Variants in OR2L3 observed in about 807,000 individuals in gnomAD.
OR2L3 encodes the protein olfactory receptor 2L3.
For synonymous variants in OR2L3, 131 were observed against 139.1 expected, an observed-to-expected ratio of 0.94 and a Z score of 0.41; for missense variants, 369 against 376.6, an observed-to-expected ratio of 0.98 and a Z score of 0.17.
At chr1:248,055,585 A>G (rs984484703) in intron 1 of OR2L3, among the ~76,000 whole-genome samples, 2 of 152,094 alleles carry the variant, frequency 1.3e-5, no homozygotes, top group Non-Finnish European at 2.9e-5. Context: ...GTGAAACCCT[A>G]TCTCTACTAA....
chr1:248,055,877 T>C (rs892218842), intron 1 of OR2L3: 1 of 151,954 alleles, frequency 6.6e-6, no homozygotes, highest in African/African-American at 2.4e-5. Context: ...CTGGTAGAAT[T>C]CAGCTGTAAT....
intron 1 of OR2L3, chr1:248,051,183 T>A (rs944457360): frequency 6.6e-6 from 1 of 152,202 alleles, no homozygotes; most frequent in African/African-American, 2.4e-5. Context: ...TCCCCTATCC[T>A]CCAGGGTCCA....
chr1:248,056,214 T>A (rs1396148225), intron 1 of OR2L3, among the ~76,000 whole-genome samples: 1 of 152,052 alleles, frequency 6.6e-6, no homozygotes, highest in South Asian at 2.1e-4. Context: ...GGTACATGTG[T>A]ACAACGTGCA....
intron 1 of OR2L3, among the ~76,000 whole-genome samples, chr1:248,049,353 A>G (rs891107202): frequency 7.2e-5 from 11 of 152,344 alleles, no homozygotes; most frequent in African/African-American, 2.4e-4. Context: ...TTTTGACTTC[A>G]AAAGTTAGTA....
intron 1 of OR2L3, among the ~76,000 whole-genome samples, chr1:248,059,858 A>G (rs1030435008): frequency 6.6e-6 from 1 of 152,150 alleles, no homozygotes; most frequent in African/African-American, 2.4e-5. Flanking sequence ...GCCTGGCAAC[A>G]TAGCAAGACT....
chr1:248,047,390 T>C (rs1463936218), intron 1 of OR2L3, among the ~76,000 whole-genome samples: 1 of 152,158 alleles, frequency 6.6e-6, no homozygotes, highest in Admixed American at 6.5e-5. Context: ...ATTAGTGTTG[T>C]TTTTGCATAA....
chr1:248,054,165 T>C (rs982807640), intron 1 of OR2L3, among the ~76,000 whole-genome samples: 1 of 152,236 alleles, frequency 6.6e-6, no homozygotes. Flanking sequence ...CAGTTTCTAT[T>C]TTCTGCATAT....
intron 1 of OR2L3, chr1:248,051,130 T>TATATGTGTTTTTGTTA (rs1663249472): frequency 6.6e-6 from 1 of 152,216 alleles, no homozygotes; most frequent in Admixed American, 6.5e-5. Context: ...TGTCTCCAAC[T>TATATGTGTTTTTGTTA]AACACTTTGT....
In OR2L3 at chr1:248,061,544, T is replaced by C. The variant is rs554340544; in HGVS notation, c.863T>C (p.Ile288Thr). 6.2e-7 allele frequency: 1 copy of C among 1,613,880 alleles called. No homozygotes were observed. Among genetic ancestry groups the C allele is most frequent in the Admixed American group, 1.7e-5 (1 of 59,988 alleles). Residue 288 changes from isoleucine to threonine, a missense_variant, in exon 2 of 2, where the codon ATC becomes ACC. Transcript: ENST00000359959. ...CTCACTCCAATGCTCAACCCCATCA[T>C]CTATAGCCTGAGGAACAAGGAGGTG... ...TTLTPMLNPI[I>T]YSLRNKEVMG...
rs543053273 is a variant in OR2L3, at chr1:248,063,083, T to C, written c.*1463T>C. On this transcript the variant is annotated 3_prime_UTR_variant, in exon 2 of 2. Coordinates refer to ENST00000359959, the MANE Select transcript of OR2L3 (RefSeq NM_001004687.2). ...ACAGTGCTTTGACTATTTGGGTTCT[T>C]TAATAGTTCCATACAAATCTTAAAT... 6.6e-6 allele frequency: 1 copy of C among 152,372 alleles called. No homozygotes were observed. Among genetic ancestry groups the C allele is most frequent in the African/African-American group, 2.4e-5 (1 of 41,590 alleles). The allele number at this position is 152,372 out of a possible 1,614,324, so 9.4% of individuals were successfully genotyped here.
At chr1:248,048,145 C>T (rs755323357) in intron 1 of OR2L3, among the ~76,000 whole-genome samples, 2 of 152,118 alleles carry the variant, frequency 1.3e-5, no homozygotes, top group Non-Finnish European at 2.9e-5. Context: ...TCTGTCTGCC[C>T]ACTTACCTGT....
intron 1 of OR2L3, among the ~76,000 whole-genome samples, chr1:248,055,396 G>A (rs1663401509): frequency 6.6e-6 from 1 of 152,018 alleles, no homozygotes; most frequent in Non-Finnish European, 1.5e-5. Context: ...TTGGCACAAA[G>A]TTTTCTTTTT....
chr1:248,048,258 C>A (rs766292319), intron 1 of OR2L3, among the ~76,000 whole-genome samples: 82 of 152,314 alleles, frequency 5.4e-4, no homozygotes, highest in Non-Finnish European at 6.5e-4. Flanking sequence ...ACTTTATATT[C>A]TTTACTCCTT....
At position 248,060,976 on chromosome 1, in the gene OR2L3, CAG is replaced by C. The variant is rs1663609528; in HGVS notation, c.298_299del (p.Ser100PhefsTer20). 22 of 1,613,908 alleles carry C rather than the reference CAG, an allele frequency of 1.4e-5. No individual in the cohort carries two copies. The highest frequency in any genetic ancestry group is 1.8e-5 in the Non-Finnish European group (21 of 1,179,950). On this transcript the variant is annotated frameshift_variant, in exon 2 of 2. Transcript: ENST00000359959. LOFTEE classifies it low-confidence loss of function (END_TRUNC). The part of the protein sequence containing the change: ...KSISFTGCGI[Q>X]SFFFSALGGA... ...TATCTCCTTCACTGGGTGTGGGATT[CAG>C]AGTTTCTTCTTCTCGGCATTAGGAG...
At chr1:248,047,269 T>G (rs572778379) in intron 1 of OR2L3, among the ~76,000 whole-genome samples, 1 of 152,272 alleles carries the variant, frequency 6.6e-6, no homozygotes, top group Admixed American at 6.5e-5. Context: ...TGATTTCTTT[T>G]GCCATGAATG....
Position 248,063,140 on chromosome 1 carries a change from A to C in OR2L3, c.*1520A>C, listed in dbSNP as rs1284280500. 6.6e-6 allele frequency: 1 copy of C among 152,224 alleles called. No individual in the cohort carries two copies. Among genetic ancestry groups the C allele is most frequent in the Admixed American group, 6.5e-5 (1 of 15,284 alleles). The allele number at this position is 152,224 out of a possible 1,614,324, so 9.4% of individuals were successfully genotyped here. A position where few individuals can be genotyped will look rare whatever the true frequency, so the allele number is the denominator to read the frequency against. On this transcript the variant is annotated 3_prime_UTR_variant, in exon 2 of 2. Coordinates refer to ENST00000359959, the MANE Select transcript of OR2L3 (RefSeq NM_001004687.2). ...TTTTACTATTTATGTGCAGAATGTCATTGGTATTTTGATAGACATTGCATT... is the reference window on the plus strand; with the variant it reads ...TTTTACTATTTATGTGCAGAATGTCCTTGGTATTTTGATAGACATTGCATT...
At chr1:248,056,182 T>C (rs914490200) in intron 1 of OR2L3, among the ~76,000 whole-genome samples, 5 of 152,170 alleles carry the variant, frequency 3.3e-5, no homozygotes, top group African/African-American at 1.2e-4. Flanking sequence ...TTATTCTTTT[T>C]TTATTATACT....
At chr1:248,052,373 T>TGA (rs1226660216) in intron 1 of OR2L3, among the ~76,000 whole-genome samples, 2 of 152,214 alleles carry the variant, frequency 1.3e-5, no homozygotes, top group Non-Finnish European at 1.5e-5. Context: ...ACTGTTGAGC[T>TGA]ATATGTCTGG....
intron 1 of OR2L3, among the ~76,000 whole-genome samples, chr1:248,060,357 A>G (rs1663582444): frequency 6.6e-6 from 1 of 152,230 alleles, no homozygotes; most frequent in Admixed American, 6.5e-5. Flanking sequence ...GTAAGAAGTC[A>G]GATCAAAGAA....
Sources: gnomAD v4.1 joint callset for allele counts (sites outside exome capture counted in the v4.1 genomes callset) on GRCh38, gnomAD v4.1.1 for gene constraint, MANE v1.5 for transcripts, NCBI Gene and HGNC (gene_info 2026-07-23, HGNC 2026-07-21) for gene names.